RBFOX1: variants seen among roughly 807,000 people sequenced by gnomAD.
RBFOX1 encodes the protein RNA binding protein fox-1 homolog 1.
In RBFOX1, 8 loss-of-function variants were observed where a neutral mutation model predicts 57.7. That is an observed-to-expected ratio of 0.14 (90% CI 0.08 to 0.25). The LOEUF (loss-of-function observed/expected upper bound fraction) is 0.25, where lower values mean the gene tolerates loss of function less well. Among genes scored for constraint, RBFOX1 ranks in the 10% least tolerant of loss-of-function variants. The probability of loss-of-function intolerance (pLI) is 1.00; values close to 1 mark genes in which losing one functional copy is unlikely to be tolerated. For missense variants in RBFOX1, 611 were observed against 548.5 expected (o/e 1.11, Z -1.14); for synonymous variants, 326 against 222.4 (o/e 1.47, Z -4.15).
At chr16:5,284,097 A>T (rs1227886485) in intron 1 of RBFOX1, among the ~76,000 whole-genome samples, 1 of 151,992 alleles carries the variant, frequency 6.6e-6, no homozygotes, top group African/African-American at 2.4e-5. Context: ...TAAAAAGGGT[A>T]GTTTCCCTGC....
chr16:6,474,132 A>G (rs2095235828), intron 2 of RBFOX1, among the ~76,000 whole-genome samples: 1 of 152,110 alleles, frequency 6.6e-6, no homozygotes, highest in Non-Finnish European at 1.5e-5. Flanking sequence ...TATGCAGTCT[A>G]TCCTTGATGG....
chr16:7,213,783 A>T (rs1446339855), intron 4 of RBFOX1, among the ~76,000 whole-genome samples: 1 of 152,188 alleles, frequency 6.6e-6, no homozygotes, highest in African/African-American at 2.4e-5. Context: ...AACCAACTCA[A>T]ATCTACTTAA....
chr16:7,620,288 A>G (rs766040774), intron 10 of RBFOX1, among the ~76,000 whole-genome samples: 2 of 152,180 alleles, frequency 1.3e-5, no homozygotes, highest in African/African-American at 4.8e-5. Context: ...TTTTATCTCT[A>G]TTTGACAGAT....
intron 4 of RBFOX1, among the ~76,000 whole-genome samples, chr16:7,310,633 C>T (rs1487443687): frequency 6.6e-6 from 1 of 152,180 alleles, no homozygotes; most frequent in Admixed American, 6.5e-5. Context: ...TACCCATTAC[C>T]AGAGTTGATA....
intron 4 of RBFOX1, among the ~76,000 whole-genome samples, chr16:7,469,409 C>G (rs2061147615): frequency 6.6e-6 from 1 of 152,266 alleles, no homozygotes; most frequent in African/African-American, 2.4e-5. Context: ...CTATGTTTGT[C>G]TCATCTTCAG....
chr16:7,539,884 C>T (rs1410277487), intron 5 of RBFOX1, among the ~76,000 whole-genome samples: 1 of 152,180 alleles, frequency 6.6e-6, no homozygotes, highest in South Asian at 2.1e-4. Flanking sequence ...CCCATACTGG[C>T]TTATTTCTCC....
chr16:6,965,820 T>C (rs9921053), intron 3 of RBFOX1, among the ~76,000 whole-genome samples: 120,936 of 152,104 alleles, frequency 0.8, 48,590 homozygotes, highest in African/African-American at 0.92. Context: ...TTTTAATCTG[T>C]ACTGAAATAG....
chr16:6,038,712 G>A (rs963129157), intron 1 of RBFOX1: 14 of 148,124 alleles, frequency 9.5e-5, no homozygotes, highest in Admixed American at 7.4e-4. Context: ...AAATGAAACT[G>A]TATTTGATTG....
chr16:5,895,536 C>G (rs1220700906), intron 4 of RBFOX1, among the ~76,000 whole-genome samples: 1 of 152,180 alleles, frequency 6.6e-6, no homozygotes, highest in Non-Finnish European at 1.5e-5. Flanking sequence ...AACTTGGCAG[C>G]CTGATCTTTA....
intron 3 of RBFOX1, among the ~76,000 whole-genome samples, chr16:5,656,862 C>G (rs1003329548): frequency 2.0e-5 from 3 of 152,026 alleles, no homozygotes; most frequent in Non-Finnish European, 2.9e-5. Context: ...TGTTCTCACT[C>G]ATAAGTAGGA....
At chr16:7,592,356 C>G (rs911262567) in intron 7 of RBFOX1, among the ~76,000 whole-genome samples, 4 of 152,208 alleles carry the variant, frequency 2.6e-5, no homozygotes, top group Non-Finnish European at 5.9e-5. Context: ...CTTTGTCTTT[C>G]CTAAACATAC....
At chr16:7,184,520 CAA>C (rs1159591817) in intron 4 of RBFOX1, among the ~76,000 whole-genome samples, 3 of 152,204 alleles carry the variant, frequency 2.0e-5, no homozygotes, top group Non-Finnish European at 4.4e-5. Context: ...GTCTCATGGT[CAA>C]AAGTTAGCCA....
intron 4 of RBFOX1, among the ~76,000 whole-genome samples, chr16:7,228,216 A>G (rs961041966): frequency 4.6e-5 from 7 of 151,270 alleles, no homozygotes; most frequent in South Asian, 2.1e-4. Context: ...TAGATTTTCA[A>G]TACATATTTG....
Position 6,451,736 on chromosome 16 carries a change from C to T in RBFOX1, c.-64+134679C>T, listed in dbSNP as rs571813544. 1.4e-3 allele frequency among the ~76,000 whole-genome samples: 206 copies of T among 152,310 alleles called. 1 individual carries two copies. The highest frequency in any genetic ancestry group is 4.7e-3 in the African/African-American group (196 of 41,590). ...GTTTCTTGGCTCACACCACCACAGA[C>T]AGAGCACATACAGTATTATGAGCAA... On this transcript the variant is annotated intron_variant, in intron 2 of 15. Transcript: ENST00000550418.
In RBFOX1 at chr16:5,290,983, A is replaced by G. The variant is rs148240060; in HGVS notation, c.219+50878A>G. ...GCAAAGTACTGGGATTACAGGCGTG[A>G]GCCACTGCGCTCAGCCAGATTTAAG... is the stretch of plus-strand genomic sequence containing the variant. On this transcript the variant is annotated intron_variant, in intron 1 of 2. Coordinates refer to the RBFOX1 transcript ENST00000585867. Among the ~76,000 whole-genome samples, 421 of 152,266 alleles carry G rather than the reference A, an allele frequency of 2.8e-3. 3 individuals are homozygous for G. The highest frequency in any genetic ancestry group is 9.6e-3 in the African/African-American group (398 of 41,548).
chr16:5,583,068 G>A lies in RBFOX1; in HGVS notation c.259-15834G>A, dbSNP rs368224710. 3.0e-3 allele frequency among the ~76,000 whole-genome samples: 450 copies of A among 152,316 alleles called. 2 individuals are homozygous for A. The highest frequency in any genetic ancestry group is 9.8e-3 in the African/African-American group (409 of 41,576). ...AAGGTAACATGCCCAAGTTCACACA[G>A]CTAGGGAGAGGTTGAGCCTGACTTT... On this transcript the variant is annotated intron_variant, in intron 2 of 2. Transcript: ENST00000585867.
At chr16:6,990,291 G>A (rs1227807107) in intron 3 of RBFOX1, among the ~76,000 whole-genome samples, 5 of 151,852 alleles carry the variant, frequency 3.3e-5, no homozygotes, top group Admixed American at 1.3e-4. Flanking sequence ...TTGGGAGGCC[G>A]AGGCGGGTGG....
intron 4 of RBFOX1, among the ~76,000 whole-genome samples, chr16:6,011,632 C>T (rs996207242): frequency 6.6e-6 from 1 of 152,132 alleles, no homozygotes; most frequent in Admixed American, 6.5e-5. Flanking sequence ...TATTTTTACT[C>T]TTCTGCACAA....
chr16:7,216,142 G>C (rs901873943), intron 4 of RBFOX1, among the ~76,000 whole-genome samples: 62 of 152,200 alleles, frequency 4.1e-4, no homozygotes, highest in African/African-American at 1.4e-3. Context: ...ACAACATACT[G>C]TTGTGTGGAT....
Sources: gnomAD v4.1 joint callset for allele counts (sites outside exome capture counted in the v4.1 genomes callset) on GRCh38, gnomAD v4.1.1 for gene constraint, MANE v1.5 for transcripts, NCBI Gene and HGNC (gene_info 2026-07-23, HGNC 2026-07-21) for gene names.